Variants in NHEJ1 observed in about 807,000 individuals in gnomAD.
The protein encoded by NHEJ1 is non-homologous end-joining factor 1.
In NHEJ1, 22 loss-of-function variants were observed where a neutral mutation model predicts 39.4. The observed-to-expected ratio is 0.56, with a 90% confidence interval of 0.40 to 0.80. NHEJ1 has a LOEUF of 0.80. Among genes scored for constraint, NHEJ1 ranks in the 30% least tolerant of loss-of-function variants. NHEJ1 has a pLI of 0.00. For synonymous variants in NHEJ1, 154 were observed against 135.6 expected (o/e 1.14, Z -0.94); for missense variants, 329 against 357.1 (o/e 0.92, Z 0.63).
intron 2 of NHEJ1, 145 bp from the exon 3 acceptor site, chr2:219,157,829 A>T (rs775061062): frequency 1.3e-6 from 1 of 746,912 alleles, no homozygotes; most frequent in Non-Finnish European, 2.3e-6. Flanking sequence ...ACAAGGGGAA[A>T]GAAGAAAACA....
At chr2:219,143,437 C>A (rs990514168) in intron 5 of NHEJ1, among the ~76,000 whole-genome samples, 1 of 152,186 alleles carries the variant, frequency 6.6e-6, no homozygotes, top group Middle Eastern at 3.2e-3. Context: ...TATGTCTCCC[C>A]TAACAGGTGT....
Position 219,076,448 on chromosome 2 carries a change from G to C in NHEJ1, c.833C>G (p.Ser278Ter), listed in dbSNP as rs757401085. The C allele has an allele frequency of 3.1e-6, 5 of 1,613,464 alleles. No homozygotes were observed. Among genetic ancestry groups the C allele is most frequent in the African/African-American group, 1.3e-5 (1 of 74,782 alleles). The change falls in exon 8 of 8, where the codon TCA becomes TGA. Residue 278 changes from serine to a stop codon, truncating the protein, a stop_gained. Transcript: ENST00000356853. LOFTEE classifies it high-confidence loss of function. ...SAPEKESTGT[S>*]GPLQRPQLSK... Reference sequence around the variant, plus strand: ...CAGCTGAGGTCTCTGCAGAGGGCCTGAAGTACCCTAGAAAAAAGGGAACCC... The same window carrying C: ...CAGCTGAGGTCTCTGCAGAGGGCCTCAAGTACCCTAGAAAAAAGGGAACCC...
chr2:219,127,787 C>T (rs754315866), intron 5 of NHEJ1, among the ~76,000 whole-genome samples: 27 of 152,218 alleles, frequency 1.8e-4, no homozygotes, highest in Non-Finnish European at 3.4e-4. Context: ...TCCTTATCTC[C>T]TCTTAAACTG....
intron 5 of NHEJ1, among the ~76,000 whole-genome samples, chr2:219,100,232 C>T (rs1450318966): frequency 1.3e-5 from 2 of 151,968 alleles, no homozygotes; most frequent in Non-Finnish European, 2.9e-5. Context: ...ATGAGGAAGT[C>T]GACCAAACAG....
chr2:219,140,795 A>C (rs1949683349), intron 5 of NHEJ1, among the ~76,000 whole-genome samples: 1 of 152,240 alleles, frequency 6.6e-6, no homozygotes, highest in South Asian at 2.1e-4. Flanking sequence ...GTGAAGAATA[A>C]ATGTGAGATT....
At chr2:219,155,388 G>T (rs983876245) in intron 3 of NHEJ1, among the ~76,000 whole-genome samples, 4 of 151,582 alleles carry the variant, frequency 2.6e-5, no homozygotes, top group African/African-American at 9.7e-5. Context: ...AACACAGAGA[G>T]ACCCCCCATC....
intron 5 of NHEJ1, among the ~76,000 whole-genome samples, chr2:219,129,759 C>T (rs1381559128): frequency 3.9e-5 from 6 of 152,238 alleles, no homozygotes; most frequent in East Asian, 1.9e-4. Flanking sequence ...TAACGCCCTG[C>T]GCGGCCAGGG....
intron 5 of NHEJ1, among the ~76,000 whole-genome samples, chr2:219,097,745 C>T (rs543632240): frequency 1.4e-4 from 21 of 152,202 alleles, no homozygotes; most frequent in African/African-American, 4.8e-4. Context: ...TATTAGACTT[C>T]CAGGTGGAAA....
chr2:219,158,099 C>A, intron 2 of NHEJ1, 87 bp downstream of exon 2: 1 of 1,393,576 alleles, frequency 7.2e-7, no homozygotes, highest in Non-Finnish European at 1.0e-6. Flanking sequence ...TGTCTCAACC[C>A]GATTCAACCT....
intron 5 of NHEJ1, among the ~76,000 whole-genome samples, chr2:219,085,462 C>T (rs958740008): frequency 6.6e-6 from 1 of 152,144 alleles, no homozygotes; most frequent in Non-Finnish European, 1.5e-5. Flanking sequence ...CTTGAAGGTC[C>T]GAATGTGAAA....
chr2:219,157,509 T>C lies in NHEJ1; in HGVS notation c.353A>G (p.Tyr118Cys). The C allele has an allele frequency of 6.2e-7, 1 of 1,614,034 alleles. No individual in the cohort carries two copies. Among genetic ancestry groups the C allele is most frequent in the Non-Finnish European group, 8.5e-7 (1 of 1,180,022 alleles). ...VRSELSGLPF[Y>C]WNFHCMLASP... ...AGCTAGCATGCAGTGGAAATTCCAA[T>C]AGAAGGGGAGGCCAGAGAGCTCACT... The change falls in exon 3 of 8, where the codon TAT becomes TGT. Residue 118 changes from tyrosine (Y) to cysteine (C), a missense_variant. Physicochemically the swap from Tyr to Cys is radical, Grantham distance 194 (BLOSUM62 -2). Transcript: ENST00000356853.
At chr2:219,121,982 A>G (rs1183389288) in intron 5 of NHEJ1, among the ~76,000 whole-genome samples, 1 of 152,190 alleles carries the variant, frequency 6.6e-6, no homozygotes, top group Non-Finnish European at 1.5e-5. Flanking sequence ...ACCAAGAACT[A>G]TATCGCAACT....
At chr2:219,089,756 GCT>G (rs1294553624) in intron 5 of NHEJ1, among the ~76,000 whole-genome samples, 1 of 152,120 alleles carries the variant, frequency 6.6e-6, no homozygotes, top group African/African-American at 2.4e-5. Flanking sequence ...GTGGATTATA[GCT>G]CTAATTTTAA....
At chr2:219,126,712 C>T (rs1409633137) in intron 5 of NHEJ1, among the ~76,000 whole-genome samples, 5 of 152,188 alleles carry the variant, frequency 3.3e-5, no homozygotes, top group Admixed American at 1.3e-4. Flanking sequence ...ATATGGCCTA[C>T]GATAGAGCAA....
At chr2:219,131,165 T>A (rs1254974655) in intron 5 of NHEJ1, among the ~76,000 whole-genome samples, 1 of 152,146 alleles carries the variant, frequency 6.6e-6, no homozygotes, top group Non-Finnish European at 1.5e-5. Context: ...GCATTCAGTG[T>A]TTTTGATAAG....
At chr2:219,080,549 A>AT (rs1949053194) in intron 5 of NHEJ1, among the ~76,000 whole-genome samples, 1 of 133,468 alleles carries the variant, frequency 7.5e-6, no homozygotes, top group Non-Finnish European at 1.5e-5. Flanking sequence ...AAATAAATAA[A>AT]AATATATATA....
chr2:219,100,609 TAAA>T (rs58295341), intron 5 of NHEJ1, among the ~76,000 whole-genome samples: 8 of 121,458 alleles, frequency 6.6e-5, no homozygotes, highest in African/African-American at 1.2e-4. Context: ...AGACTGTCTT[TAAA>T]AAAAAAAAAA....
intron 5 of NHEJ1, among the ~76,000 whole-genome samples, chr2:219,080,941 G>A (rs1338949997): frequency 2.0e-5 from 3 of 151,990 alleles, no homozygotes; most frequent in Non-Finnish European, 4.4e-5. Flanking sequence ...TGGCTTCAGG[G>A]CCCACACATA....
intron 5 of NHEJ1, among the ~76,000 whole-genome samples, chr2:219,134,214 T>G (rs765936691): frequency 5.3e-5 from 8 of 152,232 alleles, no homozygotes; most frequent in Non-Finnish European, 1.2e-4. Flanking sequence ...CTCCTGCACA[T>G]GACTGTGGCC....
Sources: gnomAD v4.1 joint callset for allele counts (sites outside exome capture counted in the v4.1 genomes callset) on GRCh38, gnomAD v4.1.1 for gene constraint, MANE v1.5 for transcripts, NCBI Gene and HGNC (gene_info 2026-07-23, HGNC 2026-07-21) for gene names.